The following GPR155 variants were observed in gnomAD, a reference collection of about 807,000 sequenced individuals.
GPR155 encodes the protein lysosomal cholesterol signaling protein.
GPR155 carries 65 observed loss-of-function variants against 93.1 expected under a neutral mutation model. That is an observed-to-expected ratio of 0.70 (90% CI 0.57 to 0.86). The LOEUF is 0.86. GPR155 is among the 40% of genes least tolerant of loss of function. GPR155 has a pLI of 0.00. For synonymous variants in GPR155, 319 were observed against 360.1 expected, an observed-to-expected ratio of 0.89 and a Z score of 1.29; for missense variants, 838 against 1,034.8, an observed-to-expected ratio of 0.81 and a Z score of 2.61.
In GPR155 at chr2:174,466,488, A is replaced by G. The variant is rs1687840818; in HGVS notation, c.1266+56T>C. On this transcript the variant is annotated intron_variant, in intron 6 of 15. Coordinates refer to ENST00000392552, the MANE Select transcript of GPR155 (RefSeq NM_152529.7). ...ACCTAGCAAAGTTATTTTCTCCTCT[A>G]CAGTAGAATAATCCATTAGAAAAAC... The G allele has an allele frequency of 6.3e-6, 6 of 954,252 alleles. No homozygotes were observed. In the South Asian group the frequency reaches 8.4e-5, roughly 13 times the overall value. 59.1% of individuals were successfully genotyped at this position (954,252 alleles called of 1,614,324 possible).
chr2:174,459,829 A>G (rs372595470), intron 10 of GPR155, 49 bp downstream of exon 10: 15 of 1,389,422 alleles, frequency 1.1e-5, no homozygotes, highest in South Asian at 3.6e-5. Context: ...GGGATGATAG[A>G]GCAAGATTCT....
chr2:174,461,241 T>C (rs1395298868), intron 9 of GPR155, among the ~76,000 whole-genome samples, 161 bp downstream of exon 9: 4 of 152,236 alleles, frequency 2.6e-5, no homozygotes, highest in African/African-American at 9.6e-5. Context: ...ATGTAAAATG[T>C]TCATGTTCTA....
chr2:174,441,703 A>T (rs545973576), intron 14 of GPR155, among the ~76,000 whole-genome samples: 13 of 144,202 alleles, frequency 9.0e-5, no homozygotes, highest in South Asian at 2.2e-4. Flanking sequence ...TGTCCTTGCG[A>T]TAGAAAAACA....
intron 9 of GPR155, 66 bp from the exon 10 acceptor site, chr2:174,460,154 A>ATTTTTTTTTTTTTTTTTTTTTTTTT: frequency 3.0e-6 from 1 of 337,036 alleles, no homozygotes; most frequent in Non-Finnish European, 4.7e-6. Context: ...CTTAGGGCAC[A>ATTTTTTTTTTTTTTTTTTTTTTTTT]TTTTTTTTTT....
intron 2 of GPR155, among the ~76,000 whole-genome samples, chr2:174,474,791 G>A (rs1274446878): frequency 6.6e-6 from 1 of 152,068 alleles, no homozygotes; most frequent in Non-Finnish European, 1.5e-5. Flanking sequence ...GTAGACGTGA[G>A]GGTTGGTGAC....
intron 5 of GPR155, among the ~76,000 whole-genome samples, chr2:174,468,485 A>G (rs1281125115): frequency 6.6e-6 from 1 of 152,202 alleles, no homozygotes; most frequent in African/African-American, 2.4e-5. Flanking sequence ...TTCTGACCCC[A>G]TGATTCTAGA....
At position 174,436,406 on chromosome 2, in the gene GPR155, T is replaced by C. The variant is rs759570341; in HGVS notation, c.2323A>G (p.Lys775Glu). The change falls in exon 16 of 16, where the codon AAG becomes GAG. Residue 775 changes from lysine to glutamate, a missense_variant. By Grantham distance (56) the Lys-to-Glu change is moderately conservative. Transcript: ENST00000392552. ...NIVKERRCGA[K>E]TSAGTFCGCD... Reference sequence around the variant, plus strand: ...CCACAGAAAGTTCCAGCAGAAGTCTTTGCACCACACCTGTGTCAAAGGAAT... The same window carrying C: ...CCACAGAAAGTTCCAGCAGAAGTCTCTGCACCACACCTGTGTCAAAGGAAT... 3 of 1,613,870 alleles carry C rather than the reference T, an allele frequency of 1.9e-6. No individual in the cohort carries two copies. The South Asian group carries it at 3.3e-5, about 18-fold the overall frequency.
At chr2:174,472,509 C>A (rs986691543) in intron 3 of GPR155, among the ~76,000 whole-genome samples, 2 of 152,170 alleles carry the variant, frequency 1.3e-5, no homozygotes, top group Admixed American at 1.3e-4. Flanking sequence ...ATTGACTTGG[C>A]TGTATTTAGA....
At position 174,435,265 on chromosome 2, in the gene GPR155, C is replaced by T. The variant is rs1686742524; in HGVS notation, c.*851G>A. 6.6e-6 allele frequency: 1 copy of T among 152,096 alleles called. No homozygotes were observed. Among genetic ancestry groups the T allele is most frequent in the African/African-American group, 2.4e-5 (1 of 41,408 alleles). The allele number at this position is 152,096 out of a possible 1,614,324, so 9.4% of individuals were successfully genotyped here. ...TCAACCGCAGATAAAAAGATGTAGT[C>T]AGGCTTAACAATGGTTGCATCTGTA... On this transcript the variant is annotated 3_prime_UTR_variant, in exon 16 of 16. Coordinates refer to ENST00000392552, the MANE Select transcript of GPR155 (RefSeq NM_152529.7).
At chr2:174,460,260 A>G (rs1431148920) in intron 9 of GPR155, among the ~76,000 whole-genome samples, 172 bp from the exon 10 acceptor site, 1 of 139,938 alleles carries the variant, frequency 7.1e-6, no homozygotes, top group African/African-American at 2.7e-5. Flanking sequence ...TCCCAGGTTC[A>G]CGCCATTCTC....
At chr2:174,465,310 T>C (rs1687806268) in intron 7 of GPR155, among the ~76,000 whole-genome samples, 1 of 152,202 alleles carries the variant, frequency 6.6e-6, no homozygotes, top group Admixed American at 6.5e-5. Context: ...TTTCAGTTTG[T>C]CCTCAAAGTA....
chr2:174,484,590 A>G (rs1688420217), intron 1 of GPR155, among the ~76,000 whole-genome samples: 1 of 152,232 alleles, frequency 6.6e-6, no homozygotes. Context: ...TAAGTTACTT[A>G]GTCTTTCTGA....
intron 15 of GPR155, among the ~76,000 whole-genome samples, chr2:174,438,329 A>G (rs1312652898): frequency 2.0e-5 from 3 of 152,176 alleles, no homozygotes; most frequent in Admixed American, 1.3e-4. Flanking sequence ...AGGGGCAGGA[A>G]ACAGGCTGGC....
intron 12 of GPR155, among the ~76,000 whole-genome samples, chr2:174,446,157 A>C (rs1687117609): frequency 6.6e-6 from 1 of 152,030 alleles, no homozygotes; most frequent in South Asian, 2.1e-4. Context: ...AAATACAAAA[A>C]TTAGCCAGGC....
intron 4 of GPR155, among the ~76,000 whole-genome samples, chr2:174,469,863 A>C (rs1687942188): frequency 6.6e-6 from 1 of 152,218 alleles, no homozygotes; most frequent in Non-Finnish European, 1.5e-5. Flanking sequence ...GCTTATAGGC[A>C]TCAAATTCTC....
Position 174,481,924 on chromosome 2 carries a change from G to C in GPR155, c.33C>G (p.Thr11=). ...AAGTCTTGGTCATATTGACTGCAATGGTTAAGTTCTCTGCAGGTAAATTAG... is the reference window on the plus strand; with the variant it reads ...AAGTCTTGGTCATATTGACTGCAATCGTTAAGTTCTCTGCAGGTAAATTAG... MNSNLPAENL[T]IAVNMTKTLP... Residue 11 remains threonine (T), a synonymous_variant, in exon 2 of 16, where the codon ACC becomes ACG. Coordinates refer to ENST00000392552, the MANE Select transcript of GPR155 (RefSeq NM_152529.7). 1 of 1,613,030 alleles carries C rather than the reference G, an allele frequency of 6.2e-7. No individual in the cohort carries two copies. Among genetic ancestry groups the C allele is most frequent in the Non-Finnish European group, 8.5e-7 (1 of 1,179,160 alleles).
At chr2:174,479,425 T>C (rs1045117277) in intron 2 of GPR155, among the ~76,000 whole-genome samples, 1 of 152,164 alleles carries the variant, frequency 6.6e-6, no homozygotes, top group African/African-American at 2.4e-5. Context: ...GTGCCCAGGA[T>C]TTGCAACCAG....
intron 1 of GPR155, among the ~76,000 whole-genome samples, chr2:174,483,488 T>G (rs1432412626): frequency 1.3e-5 from 2 of 152,208 alleles, no homozygotes; most frequent in Non-Finnish European, 2.9e-5. Context: ...GACCCCCTCT[T>G]GCTGCCAGGA....
chr2:174,457,725 G>C (rs906891427), intron 10 of GPR155, among the ~76,000 whole-genome samples: 9 of 152,148 alleles, frequency 5.9e-5, no homozygotes, highest in Non-Finnish European at 1.2e-4. Flanking sequence ...AAAGTTCTGG[G>C]ATTAGAGGTG....
Sources: allele counts gnomAD v4.1 joint callset (sites outside exome capture counted in the v4.1 genomes callset), GRCh38; gene constraint gnomAD v4.1.1; transcripts MANE v1.5; gene names NCBI Gene and HGNC (gene_info 2026-07-23, HGNC 2026-07-21).